Variants in MAGED1 observed in about 807,000 individuals in gnomAD.
The protein encoded by MAGED1 is melanoma-associated antigen D1.
Under a neutral mutation model 54.1 loss-of-function variants are expected in MAGED1, and 3 were observed. That is an observed-to-expected ratio of 0.06 (90% CI 0.03 to 0.14). The LOEUF is 0.14. Among genes scored for constraint, MAGED1 ranks in the 10% least tolerant of loss-of-function variants. The pLI is 1.00. For missense variants in MAGED1, 485 were observed against 623.4 expected, an observed-to-expected ratio of 0.78 and a Z score of 2.36; for synonymous variants, 217 against 227.3, an observed-to-expected ratio of 0.95 and a Z score of 0.41.
In MAGED1 at chrX:51,895,155, A is replaced by T. The variant is rs782253302; in HGVS notation, c.148A>T (p.Ser50Cys). ...TACTAACCAGGCCACCGCAGCTGCT[A>T]GTCCCCAGAGTTCACAGCCCCCAAC... ...PPTNQATAAASPQSSQPPTAN... is the reference protein window; with the variant it reads ...PPTNQATAAACPQSSQPPTAN... The change falls in exon 3 of 13, where the codon AGT becomes TGT. Residue 50 changes from serine to cysteine, a missense_variant. By Grantham distance (112) the Ser-to-Cys change is moderately radical. This residue lies in a region of MAGED1 where 299 missense variants were observed against 293.1 expected (regional missense o/e 1.02). Coordinates refer to ENST00000326587, the MANE Select transcript of MAGED1 (RefSeq NM_006986.4). 5 of 1,211,812 alleles carry T rather than the reference A, an allele frequency of 4.1e-6. No homozygotes were observed. Among genetic ancestry groups the T allele is most frequent in the Non-Finnish European group, 5.6e-6 (5 of 895,368 alleles).
intron 1 of MAGED1, among the ~76,000 whole-genome samples, chrX:51,872,847 TC>T (rs1439445723): frequency 1.8e-5 from 2 of 111,597 alleles, no homozygotes; most frequent in African/African-American, 6.5e-5. Context: ...CTGGGAACTC[TC>T]TTCCCTTTTT....
chrX:51,810,052 A>T (rs1952881035), intron 1 of MAGED1, among the ~76,000 whole-genome samples: 1 of 111,721 alleles, frequency 9.0e-6, no homozygotes, highest in African/African-American at 3.2e-5. Flanking sequence ...TTAAGAATTC[A>T]TGGATTTTTA....
intron 1 of MAGED1, among the ~76,000 whole-genome samples, chrX:51,824,868 G>T (rs1602216181): frequency 1.0e-5 from 1 of 98,845 alleles, no homozygotes; most frequent in African/African-American, 3.8e-5. Flanking sequence ...AAACCTGTGT[G>T]TGTGTGTGTG....
intron 7 of MAGED1, 83 bp from the exon 8 acceptor site, chrX:51,898,031 A>T: frequency 1.1e-6 from 1 of 951,874 alleles, no homozygotes; most frequent in Admixed American, 2.3e-5. Context: ...GCTGAGGAAT[A>T]TTGGGGAGGC....
chrX:51,841,144 G>C (rs7471843), intron 1 of MAGED1, among the ~76,000 whole-genome samples: 28,514 of 104,689 alleles, frequency 0.27, 2,941 homozygotes, highest in Middle Eastern at 0.33. Flanking sequence ...GTGTGAGATG[G>C]TATCTCATTG....
chrX:51,840,576 C>A (rs1926423444), intron 1 of MAGED1, among the ~76,000 whole-genome samples: 1 of 108,804 alleles, frequency 9.2e-6, no homozygotes, highest in Non-Finnish European at 1.9e-5. Context: ...TAATGCTATC[C>A]CTCCCCCCTT....
chrX:51,803,724 C>CT lies in MAGED1; in HGVS notation c.-37+625dup, dbSNP rs10576124. On this transcript the variant is annotated intron_variant, in intron 1 of 12. Coordinates refer to the MAGED1 transcript ENST00000375772. ...CATAGGCACTTGTCCAAATGATGTT[C>CT]TTTTTTTTTTTTTTTTTTAACTCTA... Among the ~76,000 whole-genome samples the CT allele has an allele frequency of 9.5e-3, 772 of 81,359 alleles. 10 individuals carry two copies. The highest frequency in any genetic ancestry group is 0.034 in the African/African-American group (745 of 21,644). The allele number at this position is 81,359 out of a possible 115,157, so 70.7% of individuals were successfully genotyped here.
At chrX:51,881,869 TTCC>T (rs1557362519) in intron 1 of MAGED1, among the ~76,000 whole-genome samples, 2 of 111,763 alleles carry the variant, frequency 1.8e-5, no homozygotes, top group East Asian at 5.6e-4. Flanking sequence ...CTTCCCTCTC[TTCC>T]TCCTCAATTC....
intron 1 of MAGED1, among the ~76,000 whole-genome samples, chrX:51,865,927 T>C (rs1927445305): frequency 8.9e-6 from 1 of 111,735 alleles, no homozygotes; most frequent in Non-Finnish European, 1.9e-5. Flanking sequence ...TTCCTCCTGC[T>C]CTGGCCATGT....
At chrX:51,830,860 A>ATATT (rs1208290473) in intron 1 of MAGED1, among the ~76,000 whole-genome samples, 3 of 111,557 alleles carry the variant, frequency 2.7e-5, no homozygotes, top group Non-Finnish European at 5.7e-5. Flanking sequence ...TGTGTTTTAT[A>ATATT]TATTTATTTA....
At chrX:51,805,319 C>G (rs1418183103) in intron 1 of MAGED1, among the ~76,000 whole-genome samples, 2 of 111,261 alleles carry the variant, frequency 1.8e-5, no homozygotes, top group Non-Finnish European at 3.8e-5. Context: ...ACACTATTCT[C>G]TAAGGTCAGT....
intron 1 of MAGED1, among the ~76,000 whole-genome samples, chrX:51,873,161 C>T (rs1013514230): frequency 1.8e-5 from 2 of 111,340 alleles, no homozygotes; most frequent in African/African-American, 6.5e-5. Context: ...GGAAGAGGCA[C>T]ATCTTGCATG....
Position 51,896,259 on chromosome X carries a change from A to G in MAGED1, c.754-150A>G, listed in dbSNP as rs149215733. The G allele has an allele frequency of 2.9e-3, 1,453 of 497,769 alleles. 30 individuals are homozygous for G. The African/African-American group carries it at 0.03, about 10-fold the overall frequency. 41.0% of individuals were successfully genotyped at this position (497,769 alleles called of 1,213,427 possible). A position where few individuals can be genotyped will look rare whatever the true frequency, so the allele number is the denominator to read the frequency against. Reference sequence around the variant, plus strand: ...CGGAGATGAAACTCCTGCCTGGAAGACAGTGAAAGACAAACCCAGGACTCA... The same window carrying G: ...CGGAGATGAAACTCCTGCCTGGAAGGCAGTGAAAGACAAACCCAGGACTCA... On this transcript the variant is annotated intron_variant, in intron 3 of 12. Transcript: ENST00000326587.
At chrX:51,894,437 C>A in intron 2 of MAGED1, 88 bp downstream of exon 2, 1 of 934,023 alleles carries the variant, frequency 1.1e-6, no homozygotes, top group Non-Finnish European at 1.5e-6. Flanking sequence ...ACGCCGGGAT[C>A]CGGTTTGACC....
intron 1 of MAGED1, among the ~76,000 whole-genome samples, chrX:51,819,027 T>C: frequency 8.9e-6 from 1 of 112,088 alleles, no homozygotes; most frequent in Non-Finnish European, 1.9e-5. Context: ...TCTGAAGGAC[T>C]TACAGAGCAC....
chrX:51,849,178 C>G (rs1275402037), intron 1 of MAGED1, among the ~76,000 whole-genome samples: 1 of 110,720 alleles, frequency 9.0e-6, no homozygotes, highest in Non-Finnish European at 1.9e-5. Context: ...ATTAATTATT[C>G]TGTTATTTCT....
At chrX:51,890,981 C>T (rs1387596436), upstream of MAGED1, among the ~76,000 whole-genome samples, 5 of 111,544 alleles carry the variant, frequency 4.5e-5, no homozygotes, top group African/African-American at 1.3e-4. Context: ...TGTATTGCCA[C>T]GCTCCCCACA....
intron 11 of MAGED1, among the ~76,000 whole-genome samples, chrX:51,900,844 G>A (rs1322120093): frequency 8.9e-6 from 1 of 111,962 alleles, no homozygotes; most frequent in African/African-American, 3.3e-5. Context: ...ATGTTAGCCA[G>A]GCTGGTCTCA....
intron 1 of MAGED1, among the ~76,000 whole-genome samples, chrX:51,882,883 A>G (rs7052927): frequency 0.29 from 31,066 of 108,739 alleles, 3,343 homozygotes; most frequent in Non-Finnish European, 0.33. Flanking sequence ...TAGAGACGGG[A>G]TTTTGCCATG....
Sources: gnomAD v4.1 joint callset for allele counts (sites outside exome capture counted in the v4.1 genomes callset) on GRCh38, gnomAD v4.1.1 for gene constraint, gnomAD v4.1.1 regional missense constraint, MANE v1.5 for transcripts, NCBI Gene and HGNC (gene_info 2026-07-23, HGNC 2026-07-21) for gene names.